CNTN4: variants seen among roughly 807,000 people sequenced by gnomAD.
CNTN4 encodes contactin 4.
In CNTN4, 77 loss-of-function variants were observed where a neutral mutation model predicts 122.5. That is an observed-to-expected ratio of 0.63 (90% CI 0.52 to 0.76). The LOEUF (loss-of-function observed/expected upper bound fraction) is 0.76, where lower values mean the gene tolerates loss of function less well. Ranked by LOEUF, CNTN4 falls within the 30% of genes least tolerant of loss-of-function variation. The probability of loss-of-function intolerance (pLI) is 0.00; values close to 1 mark genes in which losing one functional copy is unlikely to be tolerated. For missense variants in CNTN4, 1,256 were observed against 1,259.1 expected (o/e 1.00, Z 0.04); for synonymous variants, 512 against 447.0 (o/e 1.15, Z -1.83).
chr3:2,547,710 C>A (rs990736705), intron 3 of CNTN4, among the ~76,000 whole-genome samples: 1 of 152,050 alleles, frequency 6.6e-6, no homozygotes, highest in African/African-American at 2.4e-5. Context: ...GCTTCATTCA[C>A]CAGAATGAAA....
chr3:2,476,263 G>C (rs2075831361), intron 3 of CNTN4, among the ~76,000 whole-genome samples: 1 of 152,144 alleles, frequency 6.6e-6, no homozygotes, highest in South Asian at 2.1e-4. Flanking sequence ...AGGCAGAGTA[G>C]GTTAAGTACA....
chr3:2,262,093 A>C (rs1057424985), intron 2 of CNTN4, among the ~76,000 whole-genome samples: 1 of 152,054 alleles, frequency 6.6e-6, no homozygotes, highest in Non-Finnish European at 1.5e-5. Flanking sequence ...TTCACTTTTA[A>C]TGTGAAAATT....
At chr3:2,173,226 G>A (rs2036594214) in intron 2 of CNTN4, among the ~76,000 whole-genome samples, 1 of 152,182 alleles carries the variant, frequency 6.6e-6, no homozygotes, top group African/African-American at 2.4e-5. Flanking sequence ...GATCAACTGA[G>A]CAAACAGACC....
intron 3 of CNTN4, among the ~76,000 whole-genome samples, chr3:2,456,354 T>C (rs2049000174): frequency 6.6e-6 from 1 of 152,156 alleles, no homozygotes; most frequent in Non-Finnish European, 1.5e-5. Flanking sequence ...TTTATTTCTA[T>C]TGAGTTGAAA....
chr3:2,923,930 C>T (rs561621047), intron 12 of CNTN4, among the ~76,000 whole-genome samples: 9 of 152,166 alleles, frequency 5.9e-5, no homozygotes, highest in African/African-American at 1.4e-4. Context: ...AGAAGAAATG[C>T]GTTTATCTCA....
At chr3:2,513,122 C>T (rs994146196) in intron 3 of CNTN4, among the ~76,000 whole-genome samples, 3 of 152,110 alleles carry the variant, frequency 2.0e-5, no homozygotes, top group Non-Finnish European at 4.4e-5. Flanking sequence ...CTGTCCTTGC[C>T]AAGTAATCAG....
intron 4 of CNTN4, among the ~76,000 whole-genome samples, chr3:2,581,988 G>A (rs12492711): frequency 0.041 from 6,250 of 152,288 alleles, 371 homozygotes; most frequent in East Asian, 0.22. Context: ...CCAGAGCCAA[G>A]GAGTGAGGGA....
rs923859790 is a variant in CNTN4, at chr3:2,821,087, G to A, written c.454+1506G>A. ...ATCGATTCTCATGCCTCAGCCTTCCGAGTAGCTGGGATTACAGGCACCCAC... is the reference window on the plus strand; with the variant it reads ...ATCGATTCTCATGCCTCAGCCTTCCAAGTAGCTGGGATTACAGGCACCCAC... On this transcript the variant is annotated intron_variant, in intron 7 of 24. Coordinates refer to ENST00000418658, the MANE Select transcript of CNTN4 (RefSeq NM_175607.3). Among the ~76,000 whole-genome samples, 20 of 149,244 alleles carry A rather than the reference G, an allele frequency of 1.3e-4. No homozygotes were observed. The East Asian group carries it at 1.6e-3, about 12-fold the overall frequency.
intron 2 of CNTN4, among the ~76,000 whole-genome samples, chr3:2,306,862 G>A (rs1241066657): frequency 6.6e-6 from 1 of 150,588 alleles, no homozygotes; most frequent in Non-Finnish European, 1.5e-5. Flanking sequence ...TTGTTCCTAA[G>A]TATTTTATTA....
intron 2 of CNTN4, among the ~76,000 whole-genome samples, chr3:2,159,256 TG>T (rs2035853495): frequency 6.6e-6 from 1 of 152,172 alleles, no homozygotes; most frequent in Admixed American, 6.5e-5. Context: ...TTTTTGCATT[TG>T]TAAAAGAAAA....
intron 6 of CNTN4, among the ~76,000 whole-genome samples, chr3:2,776,299 G>C (rs1406525225): frequency 4.2e-5 from 6 of 142,358 alleles, no homozygotes. Context: ...TTTTTGGAAA[G>C]AATATAAGTG....
chr3:2,371,078 G>A (rs1165184947), intron 3 of CNTN4, among the ~76,000 whole-genome samples: 1 of 152,190 alleles, frequency 6.6e-6, no homozygotes, highest in Non-Finnish European at 1.5e-5. Flanking sequence ...GGAAGTGGGA[G>A]AATGTGTAGA....
chr3:2,107,913 G>T (rs990191728), intron 2 of CNTN4, among the ~76,000 whole-genome samples: 1 of 152,094 alleles, frequency 6.6e-6, no homozygotes, highest in Non-Finnish European at 1.5e-5. Flanking sequence ...CAGGCACATA[G>T]AGCTCTCACT....
rs753515114 is a variant in CNTN4, at chr3:2,924,868, T to C, written c.1208-761T>C. ...TTCAGCATGTTCTCTAATAGAGATA[T>C]ATATGAAGAGTGCTATGGGACAAAG... On this transcript the variant is annotated intron_variant, in intron 12 of 24. Transcript: ENST00000418658. 5.3e-5 allele frequency among the ~76,000 whole-genome samples: 8 copies of C among 152,250 alleles called. No homozygotes were observed. In the South Asian group the frequency reaches 6.2e-4, roughly 12 times the overall value.
At chr3:2,238,735 G>GTGTTTTTTTTTTTTTTTT (rs2039780053) in intron 2 of CNTN4, 1 of 78,870 alleles carries the variant, frequency 1.3e-5, no homozygotes, top group East Asian at 2.9e-4. Context: ...TTGGCTCTGT[G>GTGTTTTTTTTTTTTTTTT]TTTTTTTTTT....
At chr3:2,923,672 C>G (rs2094448474) in intron 12 of CNTN4, among the ~76,000 whole-genome samples, 1 of 152,230 alleles carries the variant, frequency 6.6e-6, no homozygotes, top group African/African-American at 2.4e-5. Context: ...GCAATCTCAA[C>G]TCTTCCTTCT....
intron 3 of CNTN4, among the ~76,000 whole-genome samples, chr3:2,432,181 A>T (rs906646240): frequency 6.6e-6 from 1 of 152,206 alleles, no homozygotes; most frequent in African/African-American, 2.4e-5. Flanking sequence ...TTGAGTAACT[A>T]AACATCTGCC....
intron 4 of CNTN4, among the ~76,000 whole-genome samples, chr3:2,672,897 T>G (rs1211944932): frequency 6.6e-6 from 1 of 152,196 alleles, no homozygotes; most frequent in East Asian, 1.9e-4. Context: ...TAAGAATCTG[T>G]CCTTGCCCAG....
At chr3:2,446,482 G>C (rs996283376) in intron 3 of CNTN4, among the ~76,000 whole-genome samples, 2 of 152,084 alleles carry the variant, frequency 1.3e-5, no homozygotes, top group African/African-American at 4.8e-5. Flanking sequence ...TAAAGGGCTG[G>C]CTTTATTCAT....
Sources: allele counts gnomAD v4.1 joint callset (sites outside exome capture counted in the v4.1 genomes callset), GRCh38; gene constraint gnomAD v4.1.1; transcripts MANE v1.5; gene names NCBI Gene and HGNC (gene_info 2026-07-23, HGNC 2026-07-21).